The following MYRFL variants were observed in gnomAD, a reference collection of about 807,000 sequenced individuals.
MYRFL encodes myelin regulatory factor like.
In MYRFL, 88 loss-of-function variants were observed where a neutral mutation model predicts 109.4. That is an observed-to-expected ratio of 0.80 (90% CI 0.68 to 0.96). The LOEUF (loss-of-function observed/expected upper bound fraction) is 0.96. MYRFL is among the 40% of genes least tolerant of loss of function. The pLI is 0.00. For missense variants in MYRFL, 957 were observed against 954.9 expected (o/e 1.00, Z -0.03); for synonymous variants, 324 against 320.9 (o/e 1.01, Z -0.10).
intron 19 of MYRFL, 144 bp from the exon 20 acceptor site, chr12:69,951,969 G>C: frequency 1.5e-6 from 1 of 668,460 alleles, no homozygotes; most frequent in East Asian, 2.7e-5. Context: ...ATAAGAAACA[G>C]GATAGAGATT....
intron 1 of MYRFL, among the ~76,000 whole-genome samples, chr12:69,850,718 C>T (rs148679974): frequency 6.6e-6 from 1 of 152,186 alleles, no homozygotes; most frequent in African/African-American, 2.4e-5. Context: ...CCATTTTGAT[C>T]TGTAGCCAAA....
chr12:69,873,636 A>G (rs974109396), intron 2 of MYRFL, among the ~76,000 whole-genome samples: 1 of 152,194 alleles, frequency 6.6e-6, no homozygotes, highest in Non-Finnish European at 1.5e-5. Context: ...TATACTGGAA[A>G]AAGGGGATGA....
At chr12:69,859,424 C>G (rs1270614863) in intron 2 of MYRFL, among the ~76,000 whole-genome samples, 1 of 152,190 alleles carries the variant, frequency 6.6e-6, no homozygotes. Flanking sequence ...TTATCTACGA[C>G]AGTGACAGAA....
chr12:69,859,045 A>T (rs12369507), intron 2 of MYRFL, among the ~76,000 whole-genome samples: 27,357 of 151,626 alleles, frequency 0.18, 2,608 homozygotes, highest in Middle Eastern at 0.28. Context: ...ATATATATAT[A>T]TTTTTTTCAG....
At chr12:69,845,329 T>G (rs1228396238) in intron 1 of MYRFL, among the ~76,000 whole-genome samples, 1 of 152,152 alleles carries the variant, frequency 6.6e-6, no homozygotes, top group Non-Finnish European at 1.5e-5. Flanking sequence ...ACATGGTAGG[T>G]CCTTAGTAAA....
chr12:69,902,053 A>G (rs1399630554), intron 10 of MYRFL, among the ~76,000 whole-genome samples: 2 of 151,794 alleles, frequency 1.3e-5, no homozygotes, highest in African/African-American at 2.4e-5. Context: ...GCCACCACAC[A>G]TGGCTAATTT....
At chr12:69,955,238 T>C (rs1339027122) in intron 21 of MYRFL, 125 bp from the exon 22 acceptor site, 3 of 384,424 alleles carry the variant, frequency 7.8e-6, no homozygotes, top group Non-Finnish European at 1.4e-5. Flanking sequence ...GAACTCAGTT[T>C]TCCATATTTA....
intron 10 of MYRFL, among the ~76,000 whole-genome samples, chr12:69,899,027 C>T (rs1328861873): frequency 1.3e-5 from 2 of 152,212 alleles, no homozygotes; most frequent in Non-Finnish European, 2.9e-5. Context: ...ATTAAATTTA[C>T]TCAGCATAGT....
intron 2 of MYRFL, among the ~76,000 whole-genome samples, chr12:69,870,969 T>C (rs1453659942): frequency 6.6e-6 from 1 of 152,178 alleles, no homozygotes; most frequent in African/African-American, 2.4e-5. Context: ...CAGTTTTTAT[T>C]ACATTATTGA....
chr12:69,856,634 A>G (rs1343380821), intron 2 of MYRFL, among the ~76,000 whole-genome samples: 1 of 152,010 alleles, frequency 6.6e-6, no homozygotes, highest in South Asian at 2.1e-4. Flanking sequence ...ATTAATGTGC[A>G]TTTTTCTAAT....
chr12:69,925,591 T>C (rs924931863), intron 13 of MYRFL, among the ~76,000 whole-genome samples: 2 of 152,056 alleles, frequency 1.3e-5, no homozygotes, highest in South Asian at 2.1e-4. Context: ...GGTCATGGGG[T>C]TGGAATGTGA....
At chr12:69,877,546 G>A (rs1248150604) in intron 2 of MYRFL, among the ~76,000 whole-genome samples, 1 of 152,008 alleles carries the variant, frequency 6.6e-6, no homozygotes, top group Non-Finnish European at 1.5e-5. Context: ...TTCTATTTCT[G>A]TCTGCTGCCA....
chr12:69,829,425 C>T (rs1315472787), intron 1 of MYRFL, among the ~76,000 whole-genome samples: 1 of 152,054 alleles, frequency 6.6e-6, no homozygotes, highest in Non-Finnish European at 1.5e-5. Context: ...CAAGCAGTGA[C>T]TGAAGTGCTT....
intron 7 of MYRFL, among the ~76,000 whole-genome samples, chr12:69,891,565 C>A (rs991076876): frequency 2.3e-5 from 2 of 85,888 alleles, no homozygotes; most frequent in African/African-American, 8.7e-5. Context: ...GTGTCAATTT[C>A]TTTCTTTCTT....
At chr12:69,836,031 G>A (rs1246517313) in intron 1 of MYRFL, among the ~76,000 whole-genome samples, 2 of 152,174 alleles carry the variant, frequency 1.3e-5, no homozygotes, top group Admixed American at 6.5e-5. Context: ...CGGAAGAATC[G>A]GATCACACGT....
At chr12:69,868,946 ACT>A (rs1885178701) in intron 2 of MYRFL, among the ~76,000 whole-genome samples, 1 of 151,932 alleles carries the variant, frequency 6.6e-6, no homozygotes, top group South Asian at 2.1e-4. Context: ...ACAGATATGC[ACT>A]CACACATGCC....
intron 19 of MYRFL, among the ~76,000 whole-genome samples, chr12:69,951,132 T>C (rs1955963068): frequency 6.6e-6 from 1 of 152,190 alleles, no homozygotes. Flanking sequence ...CAGTAATAAG[T>C]GCTATGGCAT....
intron 13 of MYRFL, among the ~76,000 whole-genome samples, chr12:69,920,927 C>T (rs1954890865): frequency 6.6e-6 from 1 of 152,198 alleles, no homozygotes; most frequent in African/African-American, 2.4e-5. Flanking sequence ...AAGTCTCAAA[C>T]AGTGAGTAAA....
intron 15 of MYRFL, among the ~76,000 whole-genome samples, chr12:69,928,023 C>CTCG (rs1014571796): frequency 2.0e-5 from 3 of 152,152 alleles, no homozygotes; most frequent in African/African-American, 7.2e-5. Context: ...AGTCAGCAGC[C>CTCG]TCGTCATACA....
Sources: allele counts gnomAD v4.1 joint callset (sites outside exome capture counted in the v4.1 genomes callset), GRCh38; gene constraint gnomAD v4.1.1; transcripts MANE v1.5; gene names NCBI Gene and HGNC (gene_info 2026-07-23, HGNC 2026-07-21).